HM13: variants seen among roughly 807,000 people sequenced by gnomAD.
The protein encoded by HM13 is histocompatibility minor 13, also known as signal peptide peptidase.
Under a neutral mutation model 50.0 loss-of-function variants are expected in HM13, and 18 were observed. The ratio of observed to expected loss-of-function variants is 0.36; its 90% CI spans 0.25 to 0.53. The LOEUF (loss-of-function observed/expected upper bound fraction) is 0.53. HM13 is among the 20% of genes least tolerant of loss of function. The pLI is 0.90. For synonymous variants in HM13, 197 were observed against 232.6 expected, an observed-to-expected ratio of 0.85 and a Z score of 1.39; for missense variants, 393 against 552.4, an observed-to-expected ratio of 0.71 and a Z score of 2.89.
At chr20:31,531,185 C>T (rs1033546197) in intron 2 of HM13, among the ~76,000 whole-genome samples, 1 of 151,758 alleles carries the variant, frequency 6.6e-6, no homozygotes, top group African/African-American at 2.4e-5. Flanking sequence ...GCTAGGATTA[C>T]AGGTGTGTGC....
Position 31,531,620 on chromosome 20 carries a change from G to C in HM13, c.282+4038G>C, listed in dbSNP as rs1241405178. On this transcript the variant is annotated intron_variant, in intron 2 of 12. Coordinates refer to ENST00000398174, the MANE Select transcript of HM13 (RefSeq NM_178581.3). Reference sequence around the variant, plus strand: ...GTTATTGTTTTGTTTTGTTTTTTGAGACGGAGTCTGTCACCCAGGCTGGAG... The same window carrying C: ...GTTATTGTTTTGTTTTGTTTTTTGACACGGAGTCTGTCACCCAGGCTGGAG... Among the ~76,000 whole-genome samples, 3 of 151,922 alleles carry C rather than the reference G, an allele frequency of 2.0e-5. No individual in the cohort carries two copies. The South Asian group carries it at 6.2e-4, about 32-fold the overall frequency.
At chr20:31,549,517 C>T (rs1010003660) in intron 6 of HM13, among the ~76,000 whole-genome samples, 185 bp downstream of exon 6, 2 of 152,202 alleles carry the variant, frequency 1.3e-5, no homozygotes, top group African/African-American at 4.8e-5. Context: ...CAGATTCTAC[C>T]TCTTTCTGAG....
intron 8 of HM13, among the ~76,000 whole-genome samples, chr20:31,555,071 T>C (rs1984237003): frequency 6.6e-6 from 1 of 152,218 alleles, no homozygotes; most frequent in Non-Finnish European, 1.5e-5. Context: ...ACAGAGCCTC[T>C]GGTCTAGGTG....
At chr20:31,561,932 G>A (rs6120704) in intron 10 of HM13, among the ~76,000 whole-genome samples, 196 bp downstream of exon 10, 41,687 of 152,194 alleles carry the variant, frequency 0.27, 8,625 homozygotes, top group African/African-American at 0.58. Flanking sequence ...GCATGGGCAC[G>A]TTAGAGGCAA....
intron 2 of HM13, among the ~76,000 whole-genome samples, chr20:31,533,495 A>C (rs1299680374): frequency 1.3e-5 from 2 of 152,234 alleles, no homozygotes; most frequent in Non-Finnish European, 2.9e-5. Flanking sequence ...ACAGAGTGAG[A>C]CTTCGTCTCA....
At chr20:31,545,079 T>C (rs1379812175) in intron 4 of HM13, 44 bp downstream of exon 4, 1 of 1,429,372 alleles carries the variant, frequency 7.0e-7, no homozygotes, top group Non-Finnish European at 9.9e-7. Context: ...TTGGGTGTCT[T>C]CCTCCACCAT....
At chr20:31,532,836 A>G (rs1982895480) in intron 2 of HM13, among the ~76,000 whole-genome samples, 1 of 152,164 alleles carries the variant, frequency 6.6e-6, no homozygotes, top group African/African-American at 2.4e-5. Flanking sequence ...TAACATTTTT[A>G]GTATTTAGGA....
chr20:31,546,251 C>T (rs2122614121), intron 4 of HM13, among the ~76,000 whole-genome samples: 1 of 151,672 alleles, frequency 6.6e-6, no homozygotes, highest in African/African-American at 2.4e-5. Flanking sequence ...GGGGTTTCAC[C>T]GTGTTAGGAT....
chr20:31,523,748 G>A (rs114176536), intron 1 of HM13, among the ~76,000 whole-genome samples: 519 of 152,336 alleles, frequency 3.4e-3, no homozygotes, highest in African/African-American at 0.012. Flanking sequence ...ACTTGCCCAA[G>A]TCCCACAGCA....
At position 31,549,200 on chromosome 20, in the gene HM13, T is replaced by C. The variant is rs1983890334; in HGVS notation, c.541-7T>C. 3 of 1,614,202 alleles carry C rather than the reference T, an allele frequency of 1.9e-6. No homozygotes were observed. Among genetic ancestry groups the C allele is most frequent in the Non-Finnish European group, 2.5e-6 (3 of 1,180,028 alleles). ...AGCAAGCTGGTCTCACTCCCCGCTTTCCTCAGCACTGGATTGCCAACAACC... is the reference window on the plus strand; with the variant it reads ...AGCAAGCTGGTCTCACTCCCCGCTTCCCTCAGCACTGGATTGCCAACAACC... On this transcript the variant is annotated splice_polypyrimidine_tract_variant and splice_region_variant and intron_variant, in intron 5 of 12. Coordinates refer to ENST00000398174, the MANE Select transcript of HM13 (RefSeq NM_178581.3).
chr20:31,561,404 T>C (rs544379794), intron 9 of HM13, among the ~76,000 whole-genome samples: 1 of 152,300 alleles, frequency 6.6e-6, no homozygotes, highest in East Asian at 1.9e-4. Context: ...ATGAGCTCAT[T>C]TTCCCATTTT....
intron 8 of HM13, among the ~76,000 whole-genome samples, chr20:31,558,106 C>T (rs1392031456): frequency 2.0e-5 from 3 of 152,352 alleles, no homozygotes; most frequent in African/African-American, 4.8e-5. Context: ...AGCACAGGGA[C>T]AGGACTGGTT....
chr20:31,557,479 T>C (rs930046986), intron 8 of HM13, among the ~76,000 whole-genome samples: 2 of 152,222 alleles, frequency 1.3e-5, no homozygotes, highest in African/African-American at 4.8e-5. Flanking sequence ...AGATGCACTT[T>C]AGGAGTGAAA....
intron 3 of HM13, chr20:31,540,071 C>T (rs1983349391): frequency 6.6e-6 from 1 of 152,338 alleles, no homozygotes; most frequent in Non-Finnish European, 1.5e-5. Flanking sequence ...ACACAGTGAG[C>T]CTAGTGGCTG....
chr20:31,568,388 A>C, intron 12 of HM13, 164 bp downstream of exon 12: 8 of 1,032,088 alleles, frequency 7.8e-6, no homozygotes, highest in Non-Finnish European at 1.1e-5. Flanking sequence ...ACCGAGCCAT[A>C]GGGCTGGGAA....
intron 4 of HM13, chr20:31,548,781 C>T (rs1335490265): frequency 5.6e-6 from 3 of 539,792 alleles, no homozygotes; most frequent in Admixed American, 6.2e-5. Context: ...CCCGCTGACA[C>T]TGTGCCAGGC....
chr20:31,549,579 C>CT (rs1568793325), intron 6 of HM13, among the ~76,000 whole-genome samples: 11 of 152,200 alleles, frequency 7.2e-5, no homozygotes, highest in African/African-American at 2.7e-4. Context: ...TCCTTGCTAG[C>CT]AGGGGTGTTA....
intron 12 of HM13, 49 bp downstream of exon 12, chr20:31,568,273 G>A: frequency 6.3e-7 from 1 of 1,597,632 alleles, no homozygotes; most frequent in Non-Finnish European, 8.5e-7. Flanking sequence ...ACTGCCCCGG[G>A]GCCCAAGGTA....
intron 9 of HM13, among the ~76,000 whole-genome samples, chr20:31,560,423 C>G (rs189719353): frequency 1.3e-5 from 2 of 152,246 alleles, no homozygotes; most frequent in Non-Finnish European, 2.9e-5. Context: ...GAGAAACTTA[C>G]TACCAGCATC....
Sources: gnomAD v4.1 joint callset for allele counts (sites outside exome capture counted in the v4.1 genomes callset) on GRCh38, gnomAD v4.1.1 for gene constraint, MANE v1.5 for transcripts, NCBI Gene and HGNC (gene_info 2026-07-23, HGNC 2026-07-21) for gene names.